The following CHRM3 variants were observed in gnomAD, a reference collection of about 807,000 sequenced individuals.
The protein encoded by CHRM3 is muscarinic acetylcholine receptor M3.
Under a neutral mutation model 41.8 loss-of-function variants are expected in CHRM3, and 11 were observed. The ratio of observed to expected loss-of-function variants is 0.26; its 90% CI spans 0.17 to 0.44. The LOEUF (loss-of-function observed/expected upper bound fraction) is 0.44. Ranked by LOEUF, CHRM3 falls within the 20% of genes least tolerant of loss-of-function variation. The pLI is 1.00. For synonymous variants in CHRM3, 297 were observed against 301.4 expected, an observed-to-expected ratio of 0.99 and a Z score of 0.15; for missense variants, 571 against 745.4, an observed-to-expected ratio of 0.77 and a Z score of 2.72.
intron 3 of CHRM3, among the ~76,000 whole-genome samples, chr1:239,557,585 G>A (rs977745132): frequency 2.0e-5 from 3 of 152,080 alleles, no homozygotes; most frequent in Admixed American, 6.6e-5. Flanking sequence ...CAATCACCTA[G>A]GTATTAATCC....
At chr1:239,869,280 C>T (rs1676376969) in intron 6 of CHRM3, among the ~76,000 whole-genome samples, 1 of 152,088 alleles carries the variant, frequency 6.6e-6, no homozygotes, top group Non-Finnish European at 1.5e-5. Context: ...AAGACAGAGT[C>T]AAGAATTAGG....
At chr1:239,595,918 A>C (rs2148661272) in intron 3 of CHRM3, among the ~76,000 whole-genome samples, 1 of 152,230 alleles carries the variant, frequency 6.6e-6, no homozygotes, top group Admixed American at 6.5e-5. Flanking sequence ...ATATGTTGTT[A>C]TTTTTAGAAG....
At chr1:239,614,555 G>A (rs72632884) in intron 3 of CHRM3, among the ~76,000 whole-genome samples, 13,807 of 152,168 alleles carry the variant, frequency 0.091, 895 homozygotes, top group African/African-American at 0.18. Flanking sequence ...TGTGTATGAT[G>A]TGGATAATGG....
At chr1:239,802,211 C>A (rs1041466029) in intron 5 of CHRM3, among the ~76,000 whole-genome samples, 5 of 152,114 alleles carry the variant, frequency 3.3e-5, no homozygotes, top group Admixed American at 6.6e-5. Flanking sequence ...ATTGGTAGAT[C>A]CCAGGGTATG....
rs1324420171 is a variant in CHRM3, at chr1:239,899,429, A to G, written c.-19-8004A>G. On this transcript the variant is annotated intron_variant, in intron 6 of 6. Transcript: ENST00000676153. ...CATATACATATATACACACATATCT[A>G]TACACATGTATGTATATGATATGTA... Among the ~76,000 whole-genome samples, 6 of 151,336 alleles carry G rather than the reference A, an allele frequency of 4.0e-5. No homozygotes were observed. In the East Asian group the frequency reaches 9.7e-4, roughly 25 times the overall value.
intron 3 of CHRM3, among the ~76,000 whole-genome samples, chr1:239,588,322 G>T (rs529588279): frequency 1.4e-4 from 21 of 152,124 alleles, no homozygotes; most frequent in Admixed American, 1.2e-3. Flanking sequence ...ATCTGAAAGT[G>T]CTTCTCTGTA....
Position 239,910,333 on chromosome 1 carries a change from A to G in CHRM3, c.*1109A>G. On this transcript the variant is annotated 3_prime_UTR_variant, in exon 7 of 7. Coordinates refer to ENST00000676153, the MANE Select transcript of CHRM3 (RefSeq NM_001375978.1). Reference sequence around the variant, plus strand: ...TATATATATGTGTATATATATATATATGGCAAAGCAAAAAAAAAAACATGG... The same window carrying G: ...TATATATATGTGTATATATATATATGTGGCAAAGCAAAAAAAAAAACATGG... 1.2e-5 allele frequency: 2 copies of G among 163,356 alleles called. No homozygotes were observed. The allele number at this position is 163,356 out of a possible 1,614,324, so 10.1% of individuals were successfully genotyped here. A position where few individuals can be genotyped will look rare whatever the true frequency, so the allele number is the denominator to read the frequency against.
intron 2 of CHRM3, among the ~76,000 whole-genome samples, chr1:239,512,510 T>C (rs953220349): frequency 6.6e-6 from 1 of 152,168 alleles, no homozygotes; most frequent in Non-Finnish European, 1.5e-5. Flanking sequence ...TGCCAAGAAC[T>C]TCAGTGTTGT....
chr1:239,565,246 AT>A (rs1013204557), intron 3 of CHRM3, among the ~76,000 whole-genome samples: 2 of 152,162 alleles, frequency 1.3e-5, no homozygotes, highest in Non-Finnish European at 2.9e-5. Context: ...GATTCTAGGG[AT>A]TAGGATCCTG....
intron 5 of CHRM3, among the ~76,000 whole-genome samples, chr1:239,821,002 C>T (rs1044700189): frequency 5.3e-5 from 8 of 152,072 alleles, no homozygotes; most frequent in Non-Finnish European, 1.2e-4. Flanking sequence ...CTTACACTGA[C>T]AAAAAGAGGG....
At chr1:239,473,264 A>G (rs1307851157) in intron 1 of CHRM3, among the ~76,000 whole-genome samples, 26 of 102,546 alleles carry the variant, frequency 2.5e-4, no homozygotes, top group Middle Eastern at 0.011. Context: ...AGCATATTTG[A>G]AAAAAAAAAA....
intron 5 of CHRM3, among the ~76,000 whole-genome samples, chr1:239,688,681 T>G (rs1486201769): frequency 7.5e-6 from 1 of 133,722 alleles, no homozygotes; most frequent in Non-Finnish European, 1.5e-5. Context: ...TTATATGTTA[T>G]GCAATATAAT....
chr1:239,567,638 C>T (rs1661476814), intron 3 of CHRM3, among the ~76,000 whole-genome samples: 2 of 152,140 alleles, frequency 1.3e-5, no homozygotes, highest in African/African-American at 2.4e-5. Flanking sequence ...CCACCTTCTA[C>T]CCCCACAGGT....
At chr1:239,624,532 T>G (rs1668817831) in intron 3 of CHRM3, among the ~76,000 whole-genome samples, 2 of 150,272 alleles carry the variant, frequency 1.3e-5, no homozygotes, top group South Asian at 4.2e-4. Flanking sequence ...TTTTGGCTTT[T>G]GTTGCCATTG....
intron 5 of CHRM3, among the ~76,000 whole-genome samples, chr1:239,688,249 TTAAA>T (rs1481106082): frequency 2.0e-5 from 3 of 147,904 alleles, no homozygotes; most frequent in Non-Finnish European, 3.0e-5. Flanking sequence ...TAATCTATTA[TTAAA>T]TAATATATAA....
chr1:239,887,170 G>A (rs192511546), intron 6 of CHRM3, among the ~76,000 whole-genome samples: 1 of 152,016 alleles, frequency 6.6e-6, no homozygotes, highest in East Asian at 1.9e-4. Context: ...ATTTCATGGT[G>A]TGTCATGGGA....
At chr1:239,514,944 C>T (rs1335813081) in intron 2 of CHRM3, among the ~76,000 whole-genome samples, 20 of 152,118 alleles carry the variant, frequency 1.3e-4, no homozygotes, top group Admixed American at 1.2e-3. Flanking sequence ...ATGTAATCCT[C>T]TCTATACCCA....
chr1:239,495,023 G>T (rs1220718593), intron 2 of CHRM3, among the ~76,000 whole-genome samples: 7 of 152,082 alleles, frequency 4.6e-5, no homozygotes, highest in Admixed American at 4.6e-4. Context: ...TTGTATTGAA[G>T]AATTCTTTAA....
intron 6 of CHRM3, among the ~76,000 whole-genome samples, chr1:239,870,594 T>C (rs1676493243): frequency 6.6e-6 from 1 of 152,162 alleles, no homozygotes; most frequent in Non-Finnish European, 1.5e-5. Flanking sequence ...GTTCTTTGGG[T>C]ATTTTCCCCC....
Sources: gnomAD v4.1 joint callset for allele counts (sites outside exome capture counted in the v4.1 genomes callset) on GRCh38, gnomAD v4.1.1 for gene constraint, MANE v1.5 for transcripts, NCBI Gene and HGNC (gene_info 2026-07-23, HGNC 2026-07-21) for gene names.